The following GCNT1 variants were observed in gnomAD, a reference collection of about 807,000 sequenced individuals.
GCNT1 encodes beta-1,3-galactosyl-O-glycosyl-glycoprotein beta-1,6-N-acetylglucosaminyltransferase.
Under a neutral mutation model 26.2 loss-of-function variants are expected in GCNT1, and 16 were observed. The observed-to-expected ratio is 0.61, with a 90% confidence interval of 0.41 to 0.93. The LOEUF (loss-of-function observed/expected upper bound fraction) is 0.93, where lower values mean the gene tolerates loss of function less well. Among genes scored for constraint, GCNT1 ranks in the 40% least tolerant of loss-of-function variants. The pLI is 0.00. For synonymous variants in GCNT1, 183 were observed against 190.8 expected, an observed-to-expected ratio of 0.96 and a Z score of 0.34; for missense variants, 477 against 526.7, an observed-to-expected ratio of 0.91 and a Z score of 0.92.
chr9:76,411,607 G>C, the GCNT1 span, among the ~76,000 whole-genome samples: 1 of 151,390 alleles, frequency 6.6e-6, no homozygotes. Flanking sequence ...GGGATTATAA[G>C]TGTGACCCAA....
chr9:76,444,028 G>A (rs1192843017), intron 1 of GCNT1, among the ~76,000 whole-genome samples: 2 of 152,146 alleles, frequency 1.3e-5, no homozygotes, highest in African/African-American at 4.8e-5. Flanking sequence ...TGAATTGGGT[G>A]TGTGCTTTGT....
chr9:76,487,768 C>T (rs578113977), intron 2 of GCNT1, among the ~76,000 whole-genome samples: 2 of 152,284 alleles, frequency 1.3e-5, no homozygotes, highest in South Asian at 2.1e-4. Context: ...GGGTCTCACT[C>T]CTGTTGCCTA....
rs1825115813 is a variant in GCNT1 at position 76,502,750 on chromosome 9, A to G, written c.369A>G (p.Ile123Met). 1 of 1,614,076 alleles carries G rather than the reference A, an allele frequency of 6.2e-7. No individual in the cohort carries two copies. Among genetic ancestry groups the G allele is most frequent in the African/African-American group, 1.3e-5 (1 of 74,930 alleles). ...PLSKEEAEFP[I>M]AYSIVVHHKI... is the part of the protein sequence containing the mutation. ...GTAAAGAAGAGGCGGAGTTTCCAAT[A>G]GCATATTCTATAGTGGTTCATCACA... Residue 123 changes from isoleucine (I) to methionine (M), a missense_variant, in exon 4 of 4, where the codon ATA becomes ATG. Coordinates refer to ENST00000376730, the MANE Select transcript of GCNT1 (RefSeq NM_001490.5).
At chr9:76,451,106 T>A (rs1587418024) in intron 1 of GCNT1, among the ~76,000 whole-genome samples, 1 of 152,234 alleles carries the variant, frequency 6.6e-6, no homozygotes, top group South Asian at 2.1e-4. Context: ...TCTCCATGCT[T>A]TGAAAGTAGT....
At chr9:76,494,017 G>C (rs1002455239) in intron 2 of GCNT1, among the ~76,000 whole-genome samples, 1 of 152,056 alleles carries the variant, frequency 6.6e-6, no homozygotes, top group Non-Finnish European at 1.5e-5. Flanking sequence ...GCCTGTTGAT[G>C]CCTGAGTGTT....
chr9:76,406,878 TA>T, the GCNT1 span, among the ~76,000 whole-genome samples: 1 of 151,134 alleles, frequency 6.6e-6, no homozygotes, highest in African/African-American at 2.4e-5. Flanking sequence ...CAGTTTCTAT[TA>T]AAAATACAAT....
At chr9:76,411,976 A>G in the GCNT1 span, among the ~76,000 whole-genome samples, 4 of 152,246 alleles carry the variant, frequency 2.6e-5, no homozygotes, top group Admixed American at 6.5e-5. Context: ...TGCTGGGATT[A>G]CAGGCATGAG....
At chr9:76,403,328 G>A in the GCNT1 span, among the ~76,000 whole-genome samples, 67 of 152,224 alleles carry the variant, frequency 4.4e-4, no homozygotes, top group African/African-American at 1.6e-3. Flanking sequence ...TGTATTTCCT[G>A]TATGGCTTTT....
At chr9:76,421,764 G>GCTGT (rs987112366) in intron 1 of GCNT1, among the ~76,000 whole-genome samples, 1 of 123,834 alleles carries the variant, frequency 8.1e-6, no homozygotes, top group Non-Finnish European at 1.6e-5. Context: ...CTCAATCACA[G>GCTGT]CTGTCTGCAG....
chr9:76,413,653 G>GTTTTTTTTTTTTTTTTTTT, the GCNT1 span, among the ~76,000 whole-genome samples: 188 of 118,598 alleles, frequency 1.6e-3, no homozygotes, highest in Middle Eastern at 8.9e-3. Context: ...GTTTTGTTTT[G>GTTTTTTTTTTTTTTTTTTT]TTTTTTTTTT....
At chr9:76,436,415 C>T (rs1823410110) in intron 1 of GCNT1, among the ~76,000 whole-genome samples, 2 of 151,480 alleles carry the variant, frequency 1.3e-5, no homozygotes, top group African/African-American at 4.8e-5. Context: ...TGGTGAAAGC[C>T]CATCTCTGCT....
At chr9:76,474,619 A>G (rs1195780078) in intron 2 of GCNT1, among the ~76,000 whole-genome samples, 2 of 152,250 alleles carry the variant, frequency 1.3e-5, no homozygotes, top group African/African-American at 4.8e-5. Context: ...GTGCAATGTT[A>G]CGTACCAGAA....
At chr9:76,412,144 A>T in the GCNT1 span, among the ~76,000 whole-genome samples, 4 of 152,220 alleles carry the variant, frequency 2.6e-5, no homozygotes, top group African/African-American at 9.7e-5. Flanking sequence ...AATATTTTTA[A>T]GTCTTCCCTC....
intron 2 of GCNT1, among the ~76,000 whole-genome samples, chr9:76,476,052 A>G (rs191729651): frequency 1.3e-5 from 2 of 152,218 alleles, no homozygotes; most frequent in Non-Finnish European, 2.9e-5. Flanking sequence ...TTGGGGAGAC[A>G]GTGCTTTTTA....
At chr9:76,495,042 C>A (rs554612778) in intron 2 of GCNT1, among the ~76,000 whole-genome samples, 1 of 152,096 alleles carries the variant, frequency 6.6e-6, no homozygotes, top group East Asian at 1.9e-4. Flanking sequence ...CCGCACTAGT[C>A]GCTTTTAACT....
the GCNT1 span, among the ~76,000 whole-genome samples, chr9:76,395,825 TAA>T: frequency 6.6e-6 from 1 of 152,132 alleles, no homozygotes; most frequent in Non-Finnish European, 1.5e-5. Context: ...TGGAGAGGCT[TAA>T]GAGTTATTTT....
At chr9:76,451,293 A>G (rs1823660709) in intron 1 of GCNT1, among the ~76,000 whole-genome samples, 1 of 152,248 alleles carries the variant, frequency 6.6e-6, no homozygotes, top group African/African-American at 2.4e-5. Flanking sequence ...TAAAAGGATG[A>G]GGAGAGCTCT....
intron 2 of GCNT1, among the ~76,000 whole-genome samples, chr9:76,499,716 A>C (rs1254230662): frequency 6.6e-6 from 1 of 152,214 alleles, no homozygotes; most frequent in Non-Finnish European, 1.5e-5. Context: ...GACAAATTAC[A>C]CAGAAAGTAC....
intron 2 of GCNT1, among the ~76,000 whole-genome samples, chr9:76,475,497 G>A (rs7018821): frequency 6.6e-6 from 1 of 152,178 alleles, no homozygotes; most frequent in Non-Finnish European, 1.5e-5. Context: ...TGGGAGAAAG[G>A]AAGTGGATTT....
Sources: allele counts gnomAD v4.1 joint callset (sites outside exome capture counted in the v4.1 genomes callset), GRCh38; gene constraint gnomAD v4.1.1; transcripts MANE v1.5; gene names NCBI Gene and HGNC (gene_info 2026-07-23, HGNC 2026-07-21).